Variants in LPAR3 observed in about 807,000 individuals in gnomAD.
LPAR3 encodes the protein lysophosphatidic acid receptor 3.
LPAR3 carries 7 observed loss-of-function variants against 17.8 expected under a neutral mutation model. The ratio of observed to expected loss-of-function variants is 0.39; its 90% CI spans 0.22 to 0.74. The LOEUF (loss-of-function observed/expected upper bound fraction) is 0.74, where lower values mean the gene tolerates loss of function less well. Ranked by LOEUF, LPAR3 falls within the 30% of genes least tolerant of loss-of-function variation. The pLI is 0.40. For synonymous variants in LPAR3, 179 were observed against 179.9 expected (o/e 0.99, Z 0.04); for missense variants, 391 against 453.4 (o/e 0.86, Z 1.25).
chr1:84,831,831 CATAT>C (rs60387583), intron 2 of LPAR3, among the ~76,000 whole-genome samples: 1 of 146,748 alleles, frequency 6.8e-6, no homozygotes, highest in African/African-American at 2.5e-5. Flanking sequence ...TAAACTGTAT[CATAT>C]ATATATATAT....
intron 2 of LPAR3, among the ~76,000 whole-genome samples, chr1:84,833,228 C>T (rs894612944): frequency 2.0e-5 from 3 of 152,150 alleles, no homozygotes; most frequent in Admixed American, 1.3e-4. Flanking sequence ...TTTCCTGCTG[C>T]CCCCTAGGAA....
intron 2 of LPAR3, among the ~76,000 whole-genome samples, chr1:84,848,359 C>T (rs1659632167): frequency 6.6e-6 from 1 of 152,218 alleles, no homozygotes. Context: ...AACAGAAGTA[C>T]AGAATCCAGT....
intron 1 of LPAR3, among the ~76,000 whole-genome samples, chr1:84,879,670 G>A (rs1052494690): frequency 6.6e-6 from 1 of 152,154 alleles, no homozygotes; most frequent in Non-Finnish European, 1.5e-5. Context: ...ACGCCCAACT[G>A]TACACTCGGT....
At chr1:84,868,904 C>G (rs577241103) in intron 1 of LPAR3, among the ~76,000 whole-genome samples, 2 of 152,048 alleles carry the variant, frequency 1.3e-5, no homozygotes, top group South Asian at 4.2e-4. Flanking sequence ...ACTAAGACAC[C>G]ACATGGGAAA....
At chr1:84,884,108 G>A (rs1660414570) in intron 1 of LPAR3, among the ~76,000 whole-genome samples, 1 of 152,156 alleles carries the variant, frequency 6.6e-6, no homozygotes, top group Admixed American at 6.5e-5. Context: ...TTTTTCAAAA[G>A]CAACTTCCTC....
intron 1 of LPAR3, among the ~76,000 whole-genome samples, chr1:84,879,316 C>CTTTTTTTTTTTTTTTTTTTTT (rs1187756554): frequency 3.2e-4 from 39 of 120,596 alleles, no homozygotes; most frequent in African/African-American, 1.2e-3. Flanking sequence ...TTTCTTTTTT[C>CTTTTTTTTTTTTTTTTTTTTT]TTTTTTTTTT....
At position 84,813,980 on chromosome 1, in the gene LPAR3, A is replaced by G; in HGVS notation, c.928T>C (p.Cys310Arg). ...MYGTMKKMIC[C>R]FSQENPERRP... ...CTCTCTGGGTTCTCCTGAGAGAAGC[A>G]GCAGATCATCTTCTTCATGGTGCCA... Residue 310 changes from cysteine to arginine, a missense_variant, in exon 3 of 3, where the codon TGC becomes CGC. Coordinates refer to ENST00000370611, the MANE Select transcript of LPAR3 (RefSeq NM_012152.3). 6.2e-7 allele frequency: 1 copy of G among 1,614,224 alleles called. No individual in the cohort carries two copies. The highest frequency in any genetic ancestry group is 8.5e-7 in the Non-Finnish European group (1 of 1,180,034).
chr1:84,882,907 C>T (rs1250610284), intron 1 of LPAR3, among the ~76,000 whole-genome samples: 1 of 152,208 alleles, frequency 6.6e-6, no homozygotes, highest in African/African-American at 2.4e-5. Flanking sequence ...TAAAGCCTTG[C>T]TTACCAACAA....
At chr1:84,856,700 G>A (rs1439601598) in intron 2 of LPAR3, among the ~76,000 whole-genome samples, 1 of 152,096 alleles carries the variant, frequency 6.6e-6, no homozygotes, top group Non-Finnish European at 1.5e-5. Context: ...AGCAGCTGAC[G>A]AACTAGCTAC....
rs1660446326 is a variant in LPAR3 at position 84,885,606 on chromosome 1, G to A, written c.-19+7410C>T. On this transcript the variant is annotated intron_variant, in intron 1 of 2. Transcript: ENST00000370611. ...CAGCATGTAGCTGGGAATGCAACGT[G>A]AGGCTGGGGAGTTTGGGGAGGTACA... 2.6e-5 allele frequency among the ~76,000 whole-genome samples: 4 copies of A among 152,292 alleles called. No homozygotes were observed. In the South Asian group the frequency reaches 8.3e-4, roughly 32 times the overall value.
chr1:84,842,885 GA>G (rs1459043902), intron 2 of LPAR3, among the ~76,000 whole-genome samples: 1 of 150,352 alleles, frequency 6.7e-6, no homozygotes, highest in Admixed American at 6.6e-5. Flanking sequence ...GAGCAAAGAA[GA>G]AAAAAAAAGA....
At chr1:84,839,045 T>A (rs1277733104) in intron 2 of LPAR3, among the ~76,000 whole-genome samples, 1 of 152,218 alleles carries the variant, frequency 6.6e-6, no homozygotes. Flanking sequence ...TGTGCAGGGT[T>A]CCATTCAAAC....
intron 2 of LPAR3, among the ~76,000 whole-genome samples, chr1:84,850,737 A>T (rs535999459): frequency 2.0e-5 from 3 of 152,342 alleles, no homozygotes; most frequent in Admixed American, 2.0e-4. Context: ...TGTACCACAG[A>T]TCCCCCCGGC....
chr1:84,858,787 G>A (rs2102762321), intron 2 of LPAR3, among the ~76,000 whole-genome samples: 1 of 152,308 alleles, frequency 6.6e-6, no homozygotes, highest in Non-Finnish European at 1.5e-5. Flanking sequence ...TTCGAAGGGT[G>A]TATACTCTAG....
At chr1:84,870,522 G>A (rs1050145297) in intron 1 of LPAR3, among the ~76,000 whole-genome samples, 10 of 152,284 alleles carry the variant, frequency 6.6e-5, no homozygotes, top group Non-Finnish European at 4.4e-5. Flanking sequence ...GACAAGTAGC[G>A]AGCTCTGTCA....
intron 1 of LPAR3, among the ~76,000 whole-genome samples, chr1:84,871,374 T>G (rs1355293726): frequency 6.6e-6 from 1 of 152,238 alleles, no homozygotes; most frequent in Non-Finnish European, 1.5e-5. Flanking sequence ...GAAACAATTA[T>G]GAGAATTAAG....
chr1:84,824,189 A>G (rs1264971983), intron 2 of LPAR3, among the ~76,000 whole-genome samples: 1 of 152,200 alleles, frequency 6.6e-6, no homozygotes, highest in Non-Finnish European at 1.5e-5. Context: ...ATGGCATAAA[A>G]TATCATTCTG....
At chr1:84,850,864 T>C (rs72718728) in intron 2 of LPAR3, among the ~76,000 whole-genome samples, 6,305 of 152,246 alleles carry the variant, frequency 0.041, 299 homozygotes, top group African/African-American at 0.11. Context: ...TAGAACGAGT[T>C]CTTGTAGTTA....
chr1:84,885,481 G>C (rs1202303350), intron 1 of LPAR3, among the ~76,000 whole-genome samples: 2 of 152,236 alleles, frequency 1.3e-5, no homozygotes, highest in African/African-American at 2.4e-5. Flanking sequence ...TATCTAATGA[G>C]ACTTTAAAAT....
Sources: gnomAD v4.1 joint callset for allele counts (sites outside exome capture counted in the v4.1 genomes callset) on GRCh38, gnomAD v4.1.1 for gene constraint, MANE v1.5 for transcripts, NCBI Gene and HGNC (gene_info 2026-07-23, HGNC 2026-07-21) for gene names.